Variants in CSPP1 observed in about 807,000 individuals in gnomAD.
The protein encoded by CSPP1 is centrosome and spindle pole associated protein 1, also known as centrosome and spindle pole-associated protein 1.
Under a neutral mutation model 164.4 loss-of-function variants are expected in CSPP1, and 126 were observed. The ratio of observed to expected loss-of-function variants is 0.77; its 90% CI spans 0.66 to 0.89. The LOEUF is 0.89. Ranked by LOEUF, CSPP1 falls within the 40% of genes least tolerant of loss-of-function variation. The pLI is 0.00. For synonymous variants in CSPP1, 472 were observed against 476.7 expected, an observed-to-expected ratio of 0.99 and a Z score of 0.13; for missense variants, 1,395 against 1,449.8, an observed-to-expected ratio of 0.96 and a Z score of 0.61.
intron 6 of CSPP1, 35 bp downstream of exon 6, chr8:67,093,676 A>G (rs1375566612): frequency 1.8e-6 from 2 of 1,117,506 alleles, no homozygotes; most frequent in Admixed American, 2.0e-5. Flanking sequence ...CTGTACTACT[A>G]CTACCACAGG....
intron 13 of CSPP1, among the ~76,000 whole-genome samples, chr8:67,116,586 A>T (rs573244204): frequency 2.0e-5 from 3 of 152,220 alleles, no homozygotes; most frequent in Non-Finnish European, 4.4e-5. Flanking sequence ...GGGCTGTGTA[A>T]CTCAAATACC....
chr8:67,167,413 C>A (rs1829573267), intron 24 of CSPP1, among the ~76,000 whole-genome samples: 1 of 149,836 alleles, frequency 6.7e-6, no homozygotes, highest in South Asian at 2.1e-4. Flanking sequence ...CACCTCCCTC[C>A]TGGACGGGGC....
At chr8:67,066,246 T>G (rs1019931116) in intron 1 of CSPP1, among the ~76,000 whole-genome samples, 1 of 152,260 alleles carries the variant, frequency 6.6e-6, no homozygotes, top group Admixed American at 6.5e-5. Flanking sequence ...TAGCAATATT[T>G]AGGGAAATTT....
At chr8:67,172,803 C>G (rs565802326) in intron 25 of CSPP1, 8 of 340,820 alleles carry the variant, frequency 2.3e-5, no homozygotes, top group Non-Finnish European at 3.7e-5. Flanking sequence ...TGGATGAGAT[C>G]GCATAGACTA....
intron 9 of CSPP1, among the ~76,000 whole-genome samples, chr8:67,108,263 G>A (rs1816054381): frequency 6.6e-6 from 1 of 151,932 alleles, no homozygotes; most frequent in Admixed American, 6.6e-5. Context: ...TTAACTGGGT[G>A]TGGTGGCATG....
chr8:67,102,549 C>T (rs751811042), intron 7 of CSPP1, among the ~76,000 whole-genome samples: 1 of 152,046 alleles, frequency 6.6e-6, no homozygotes, highest in Non-Finnish European at 1.5e-5. Flanking sequence ...GAGATTGTGC[C>T]ACTGCACTCC....
intron 17 of CSPP1, among the ~76,000 whole-genome samples, chr8:67,139,301 TCA>T (rs1435915512): frequency 2.0e-5 from 3 of 152,066 alleles, no homozygotes; most frequent in Non-Finnish European, 4.4e-5. Context: ...AGATACCATC[TCA>T]CACCAGTTAG....
chr8:67,178,841 C>T (rs542982852), intron 27 of CSPP1, among the ~76,000 whole-genome samples: 3 of 152,182 alleles, frequency 2.0e-5, no homozygotes, highest in Non-Finnish European at 4.4e-5. Context: ...CATTCTGGGA[C>T]TTTGCCTTTG....
intron 1 of CSPP1, among the ~76,000 whole-genome samples, chr8:67,071,194 T>A (rs1387283596): frequency 1.3e-5 from 2 of 152,146 alleles, no homozygotes; most frequent in Non-Finnish European, 2.9e-5. Flanking sequence ...ATATATATAT[T>A]TTACAAATTA....
Position 67,161,813 on chromosome 8 carries a change from CAT to C in CSPP1, c.2542_2543del (p.Met848GlufsTer25), listed in dbSNP as rs587777143. 9 of 1,609,558 alleles carry C rather than the reference CAT, an allele frequency of 5.6e-6. No homozygotes were observed. The highest frequency in any genetic ancestry group is 1.1e-5 in the South Asian group (1 of 90,994). ...DNLIGEETKHMRQPSPIVPAL... is the reference protein window; with the variant it reads ...DNLIGEETKHXRQPSPIVPAL... ...CTTAAATTTTTTAAATTTTTCAGCA[CAT>C]GAGACAGCCTTCTCCTATAGTTCCT... On this transcript the variant is annotated frameshift_variant, in exon 22 of 31. Coordinates refer to ENST00000678616, the MANE Select transcript of CSPP1 (RefSeq NM_001382391.1). LOFTEE classifies it high-confidence loss of function.
Position 67,179,941 on chromosome 8 carries a change from T to C in CSPP1, c.3220+15T>C. On this transcript the variant is annotated intron_variant, in intron 28 of 30. Transcript: ENST00000678616. ...TGCTTTTATTGGTGAGTATATTTAT[T>C]TTATTAAGGCTATATTGTTTAAATA... 3 of 1,398,916 alleles carry C rather than the reference T, an allele frequency of 2.1e-6. No individual in the cohort carries two copies. The highest frequency in any genetic ancestry group is 3.0e-6 in the Non-Finnish European group (3 of 985,644). 86.7% of individuals were successfully genotyped at this position (1,398,916 alleles called of 1,614,324 possible). A position where few individuals can be genotyped will look rare whatever the true frequency, so the allele number is the denominator to read the frequency against.
At chr8:67,179,239 A>T (rs190020146) in intron 27 of CSPP1, among the ~76,000 whole-genome samples, 2 of 152,062 alleles carry the variant, frequency 1.3e-5, no homozygotes, top group Non-Finnish European at 2.9e-5. Flanking sequence ...AATAAGCCCA[A>T]TCTTAGCATT....
chr8:67,172,677 T>C, intron 25 of CSPP1, 122 bp downstream of exon 25: 1 of 857,984 alleles, frequency 1.2e-6, no homozygotes, highest in Middle Eastern at 2.9e-4. Context: ...GTATTTTAGT[T>C]AAAATGAAAT....
intron 17 of CSPP1, 80 bp from the exon 18 acceptor site, chr8:67,149,703 C>A: frequency 1.0e-6 from 1 of 1,002,886 alleles, no homozygotes; most frequent in African/African-American, 1.7e-5. Context: ...TTTCTGACTT[C>A]CTATTTTAAG....
intron 24 of CSPP1, among the ~76,000 whole-genome samples, chr8:67,167,889 CG>C (rs1563737378): frequency 6.6e-6 from 1 of 150,902 alleles, no homozygotes; most frequent in East Asian, 2.0e-4. Flanking sequence ...ACTTCCCAGA[CG>C]GGGTGGCGGC....
chr8:67,122,630 T>C (rs1482060630), intron 15 of CSPP1, among the ~76,000 whole-genome samples: 1 of 152,222 alleles, frequency 6.6e-6, no homozygotes, highest in Admixed American at 6.5e-5. Flanking sequence ...TTTTAATTTA[T>C]TGAGGCTTAT....
intron 7 of CSPP1, among the ~76,000 whole-genome samples, chr8:67,099,978 A>G (rs1048520722): frequency 3.9e-5 from 6 of 152,146 alleles, no homozygotes; most frequent in African/African-American, 1.4e-4. Context: ...CTTGACTTAA[A>G]AAAGATAAAC....
chr8:67,175,277 A>G lies in CSPP1; in HGVS notation c.2969-19A>G. Reference sequence around the variant, plus strand: ...AAAACAACATTTAACTTAGTTATATAACATATTTTTTATACCAGATTCAGA... The same window carrying G: ...AAAACAACATTTAACTTAGTTATATGACATATTTTTTATACCAGATTCAGA... On this transcript the variant is annotated intron_variant, in intron 25 of 30. Coordinates refer to ENST00000678616, the MANE Select transcript of CSPP1 (RefSeq NM_001382391.1). The G allele has an allele frequency of 6.3e-7, 1 of 1,582,954 alleles. No homozygotes were observed. The highest frequency in any genetic ancestry group is 8.6e-7 in the Non-Finnish European group (1 of 1,157,392).
chr8:67,077,882 T>C (rs1193720852), intron 3 of CSPP1, among the ~76,000 whole-genome samples: 1 of 152,150 alleles, frequency 6.6e-6, no homozygotes, highest in Non-Finnish European at 1.5e-5. Flanking sequence ...TCAAAGTGAG[T>C]GCCCTACTTT....
Sources: allele counts gnomAD v4.1 joint callset (sites outside exome capture counted in the v4.1 genomes callset), GRCh38; gene constraint gnomAD v4.1.1; transcripts MANE v1.5; gene names NCBI Gene and HGNC (gene_info 2026-07-23, HGNC 2026-07-21).